Variants in TARBP1 observed in about 807,000 individuals in gnomAD.
TARBP1 encodes tRNA (guanosine(18)-2'-O)-methyltransferase TARBP1.
In TARBP1, 144 loss-of-function variants were observed where a neutral mutation model predicts 178.6. The ratio of observed to expected loss-of-function variants is 0.81; its 90% CI spans 0.70 to 0.93. TARBP1 has a LOEUF of 0.93. Ranked by LOEUF, TARBP1 falls within the 40% of genes least tolerant of loss-of-function variation. TARBP1 has a pLI of 0.00. For synonymous variants in TARBP1, 787 were observed against 781.0 expected, an observed-to-expected ratio of 1.01 and a Z score of -0.13; for missense variants, 2,067 against 2,011.7, an observed-to-expected ratio of 1.03 and a Z score of -0.53.
chr1:234,462,436 A>G (rs1667946986), intron 6 of TARBP1, among the ~76,000 whole-genome samples: 1 of 152,186 alleles, frequency 6.6e-6, no homozygotes, highest in South Asian at 2.1e-4. Context: ...CACGCCTGTA[A>G]TCCCAGCATT....
chr1:234,466,269 TG>T (rs1668423809), intron 4 of TARBP1, among the ~76,000 whole-genome samples: 1 of 152,188 alleles, frequency 6.6e-6, no homozygotes, highest in African/African-American at 2.4e-5. Flanking sequence ...CCCAGCACTT[TG>T]GGAGGCTGAG....
chr1:234,398,256 G>T, intron 26 of TARBP1, 126 bp downstream of exon 26: 1 of 714,238 alleles, frequency 1.4e-6, no homozygotes, highest in South Asian at 4.2e-5. Flanking sequence ...TCCCTAAGTG[G>T]AAAGGCAGAG....
chr1:234,397,023 G>A (rs904278977), intron 26 of TARBP1, among the ~76,000 whole-genome samples: 2 of 151,198 alleles, frequency 1.3e-5, no homozygotes, highest in Admixed American at 1.3e-4. Context: ...GAAACCGAAA[G>A]AAAATTTCTA....
chr1:234,438,387 C>T (rs1420906935), intron 12 of TARBP1, among the ~76,000 whole-genome samples: 2 of 152,084 alleles, frequency 1.3e-5, no homozygotes, highest in African/African-American at 4.8e-5. Context: ...AATGCTTTAG[C>T]AAGCAATCAA....
intron 1 of TARBP1, among the ~76,000 whole-genome samples, chr1:234,476,665 T>G (rs2103322859): frequency 6.6e-6 from 1 of 152,308 alleles, no homozygotes; most frequent in Middle Eastern, 3.4e-3. Flanking sequence ...CCTACATAGA[T>G]CACCTGCAAG....
At chr1:234,443,895 G>T (rs1665864940) in intron 12 of TARBP1, among the ~76,000 whole-genome samples, 1 of 152,146 alleles carries the variant, frequency 6.6e-6, no homozygotes, top group Admixed American at 6.6e-5. Context: ...CTTCTAGGAG[G>T]TACCCAGAGG....
At chr1:234,446,551 G>C (rs966066361) in intron 12 of TARBP1, among the ~76,000 whole-genome samples, 1 of 151,430 alleles carries the variant, frequency 6.6e-6, no homozygotes, top group African/African-American at 2.4e-5. Flanking sequence ...CCACTAGAAT[G>C]TCAACTCACG....
chr1:234,443,233 T>C (rs1323460410), intron 12 of TARBP1, among the ~76,000 whole-genome samples: 1 of 148,564 alleles, frequency 6.7e-6, no homozygotes, highest in Non-Finnish European at 1.5e-5. Context: ...AAGGTTGCGG[T>C]GAGCCAAGAT....
intron 3 of TARBP1, 22 bp from the exon 4 acceptor site, chr1:234,467,672 G>C: frequency 6.4e-7 from 1 of 1,553,994 alleles, no homozygotes; most frequent in Non-Finnish European, 8.7e-7. Flanking sequence ...AACATCAAAT[G>C]TTGACATCTG....
In TARBP1 at chr1:234,478,770, C is replaced by G; in HGVS notation, c.334G>C (p.Gly112Arg). ...AALRSCVRLA[G>R]RPQLAAALAE... is the part of the protein sequence containing the mutation. ...AGCGCGGCCGCCAGCTGCGGACGCC[C>G]GGCCAGGCGGACGCACGAGCGCAGG... The change falls in exon 1 of 30, where the codon GGG (glycine) becomes CGG (arginine). Residue 112 changes from glycine (G) to arginine (R), a missense_variant. Transcript: ENST00000040877. The G allele has an allele frequency of 8.9e-7, 1 of 1,123,684 alleles. No individual in the cohort carries two copies. Among genetic ancestry groups the G allele is most frequent in the Non-Finnish European group, 1.1e-6 (1 of 921,308 alleles). 69.6% of individuals were successfully genotyped at this position (1,123,684 alleles called of 1,614,324 possible). A position where few individuals can be genotyped will look rare whatever the true frequency, so the allele number is the denominator to read the frequency against.
chr1:234,391,999 G>GC (rs1349147808), intron 29 of TARBP1, among the ~76,000 whole-genome samples: 2 of 152,240 alleles, frequency 1.3e-5, no homozygotes, highest in Non-Finnish European at 2.9e-5. Flanking sequence ...AGCCCAGGGA[G>GC]CTTCTTATAA....
intron 2 of TARBP1, among the ~76,000 whole-genome samples, chr1:234,471,622 C>A (rs1669064810): frequency 6.6e-6 from 1 of 152,212 alleles, no homozygotes; most frequent in Admixed American, 6.5e-5. Context: ...TTGTTCATGG[C>A]TGCACACGCT....
chr1:234,442,539 T>C (rs572503127), intron 12 of TARBP1, among the ~76,000 whole-genome samples: 47 of 152,238 alleles, frequency 3.1e-4, no homozygotes, highest in South Asian at 2.5e-3. Flanking sequence ...CAGCAAATGA[T>C]TGGAAAGTAA....
At chr1:234,419,127 C>A (rs990760904) in intron 21 of TARBP1, among the ~76,000 whole-genome samples, 2 of 151,766 alleles carry the variant, frequency 1.3e-5, no homozygotes, top group Admixed American at 6.6e-5. Context: ...GAGCCGAGAT[C>A]GTGCCACTGC....
At chr1:234,415,422 A>G (rs1039696500) in intron 22 of TARBP1, among the ~76,000 whole-genome samples, 3 of 152,228 alleles carry the variant, frequency 2.0e-5, no homozygotes, top group Admixed American at 6.5e-5. Flanking sequence ...ATAAAGGTTA[A>G]GGTAATTTGC....
chr1:234,417,897 A>C (rs186960897), intron 22 of TARBP1, among the ~76,000 whole-genome samples, 187 bp downstream of exon 22: 86 of 152,324 alleles, frequency 5.6e-4, no homozygotes, highest in African/African-American at 1.9e-3. Context: ...AAACTATGAA[A>C]TATTCAAAAT....
At chr1:234,476,192 G>C (rs1347122135) in intron 1 of TARBP1, among the ~76,000 whole-genome samples, 3 of 152,224 alleles carry the variant, frequency 2.0e-5, no homozygotes, top group Non-Finnish European at 4.4e-5. Context: ...TTTCAGGAGA[G>C]AAACTCCAAA....
intron 17 of TARBP1, among the ~76,000 whole-genome samples, chr1:234,428,170 A>G (rs950319807): frequency 3.9e-5 from 6 of 152,238 alleles, no homozygotes; most frequent in Non-Finnish European, 8.8e-5. Context: ...AAGGCAGCAC[A>G]GGGCTGCAGA....
In TARBP1 at chr1:234,463,908, C is replaced by T. The variant is rs1316718086; in HGVS notation, c.1328G>A (p.Cys443Tyr). The change falls in exon 6 of 30, where the codon TGT (cysteine) becomes TAT (tyrosine). Residue 443 changes from cysteine to tyrosine, a missense_variant. Physicochemically the swap from Cys to Tyr is radical, Grantham distance 194 (BLOSUM62 -2). Coordinates refer to ENST00000040877, the MANE Select transcript of TARBP1 (RefSeq NM_005646.4). The stretch of plus-strand genomic sequence containing the variant: ...CTGTAATTTCAGTCCCAATGGAGAA[C>T]AGCTTCCTATTGGCTGGCCTGGGGA... ...SRSPGQPIGSCSPLGLKLQKF... is the reference protein window; with the variant it reads ...SRSPGQPIGSYSPLGLKLQKF... The T allele has an allele frequency of 6.3e-7, 1 of 1,591,288 alleles. No individual in the cohort carries two copies. Among genetic ancestry groups the T allele is most frequent in the Non-Finnish European group, 8.6e-7 (1 of 1,169,576 alleles).
Sources: allele counts gnomAD v4.1 joint callset (sites outside exome capture counted in the v4.1 genomes callset), GRCh38; gene constraint gnomAD v4.1.1; transcripts MANE v1.5; gene names NCBI Gene and HGNC (gene_info 2026-07-23, HGNC 2026-07-21).